Variants in NUP210L observed in about 807,000 individuals in gnomAD.
The protein encoded by NUP210L is nuclear pore membrane glycoprotein 210-like.
NUP210L carries 74 observed loss-of-function variants against 208.5 expected under a neutral mutation model. The observed-to-expected ratio is 0.35, with a 90% confidence interval of 0.29 to 0.43. NUP210L has a LOEUF of 0.43. NUP210L is among the 20% of genes least tolerant of loss of function. The probability of loss-of-function intolerance (pLI) is 1.00; values close to 1 mark genes in which losing one functional copy is unlikely to be tolerated. For synonymous variants in NUP210L, 780 were observed against 816.9 expected (o/e 0.95, Z 0.77); for missense variants, 1,843 against 2,289.4 (o/e 0.81, Z 3.98).
rs190587086 is a variant in NUP210L, at chr1:154,138,646, A to G, written c.718-408T>C. Among the ~76,000 whole-genome samples, 17 of 152,308 alleles carry G rather than the reference A, an allele frequency of 1.1e-4. No individual in the cohort carries two copies. In the East Asian group the frequency reaches 1.9e-3, roughly 17 times the overall value. On this transcript the variant is annotated intron_variant, in intron 5 of 39. Coordinates refer to ENST00000368559, the Ensembl canonical transcript of NUP210L. ...ATTGATTTTTATGAAGATTTACCCA[A>G]TGCAAGGTTGGTAGGCTTCTCTCTA...
intron 33 of NUP210L, among the ~76,000 whole-genome samples, chr1:154,018,003 A>G (rs1473202784): frequency 6.6e-6 from 1 of 150,762 alleles, no homozygotes; most frequent in East Asian, 2.0e-4. Flanking sequence ...AGCGACTCTC[A>G]CTCTGTTGCC....
chr1:154,135,731 T>C (rs1214347530), intron 7 of NUP210L, 83 bp downstream of exon 7: 24 of 1,310,142 alleles, frequency 1.8e-5, no homozygotes, highest in Non-Finnish European at 2.3e-5. Flanking sequence ...ATAATCATTC[T>C]TAATAAATTA....
At chr1:154,079,626 C>T (rs1182661064) in intron 16 of NUP210L, 1 of 151,268 alleles carries the variant, frequency 6.6e-6, no homozygotes, top group African/African-American at 2.4e-5. Context: ...ATGAGAAGCA[C>T]ATTATCTTTA....
intron 7 of NUP210L, among the ~76,000 whole-genome samples, chr1:154,131,247 G>A (rs1192581651): frequency 6.7e-6 from 1 of 150,036 alleles, no homozygotes; most frequent in Admixed American, 6.7e-5. Flanking sequence ...ACTCCAGCCC[G>A]GGCAACAGAG....
intron 32 of NUP210L, among the ~76,000 whole-genome samples, chr1:154,020,767 C>T (rs776734349): frequency 6.6e-5 from 10 of 151,306 alleles, no homozygotes; most frequent in Non-Finnish European, 1.0e-4. Context: ...CCTTGTGATC[C>T]GCCTGCTTCA....
intron 12 of NUP210L, among the ~76,000 whole-genome samples, chr1:154,116,544 C>T (rs1657345787): frequency 6.6e-6 from 1 of 151,844 alleles, no homozygotes; most frequent in Admixed American, 6.6e-5. Flanking sequence ...GCCTGGGCAA[C>T]ACAGTGAGAC....
At chr1:154,001,033 C>T in exon 37 of NUP210L, 1 of 1,614,060 alleles carries the variant, frequency 6.2e-7, no homozygotes, top group Non-Finnish European at 8.5e-7. Flanking sequence ...TGGCCAGCGA[C>T]CACTAGAACT....
rs576956926 is a variant in NUP210L, at chr1:154,012,732, G to A, written c.4654-362C>T. The stretch of plus-strand genomic sequence containing the variant: ...CAACAAAAGACGGGGTCAGCCGCGC[G>A]CGGTGGCTCACGTCTGTAATCCCAG... On this transcript the variant is annotated intron_variant, in intron 33 of 39. Transcript: ENST00000368559. Among the ~76,000 whole-genome samples the A allele has an allele frequency of 4.0e-5, 6 of 151,840 alleles. No individual in the cohort carries two copies. In the South Asian group the frequency reaches 6.3e-4, roughly 16 times the overall value.
At chr1:154,085,086 T>G (rs1474322633) in intron 16 of NUP210L, among the ~76,000 whole-genome samples, 38 of 139,262 alleles carry the variant, frequency 2.7e-4, no homozygotes, top group African/African-American at 8.6e-4. Context: ...AGTGGCTCAC[T>G]CCTGTAATCC....
exon 7 of NUP210L, chr1:154,135,847 G>C (rs762248224): frequency 2.5e-6 from 4 of 1,614,082 alleles, no homozygotes; most frequent in South Asian, 1.1e-5. Context: ...GTCTGGCCCA[G>C]TTGTGAGGCA....
intron 10 of NUP210L, among the ~76,000 whole-genome samples, chr1:154,125,322 T>A (rs534846883): frequency 1.3e-5 from 2 of 151,640 alleles, no homozygotes; most frequent in Non-Finnish European, 2.9e-5. Context: ...TGGTGGTGGA[T>A]GCCTATAACC....
chr1:154,053,726 T>C (rs1482006846), intron 25 of NUP210L, among the ~76,000 whole-genome samples: 2 of 152,218 alleles, frequency 1.3e-5, no homozygotes, highest in African/African-American at 4.8e-5. Context: ...CTATAATCTA[T>C]AGAAACAATG....
At chr1:154,010,643 G>A (rs929399781) in intron 34 of NUP210L, among the ~76,000 whole-genome samples, 1 of 152,090 alleles carries the variant, frequency 6.6e-6, no homozygotes, top group African/African-American at 2.4e-5. Context: ...GGCCGAGGCA[G>A]GCGGATCACC....
At chr1:154,066,463 T>C (rs1198584127) in intron 17 of NUP210L, among the ~76,000 whole-genome samples, 2 of 152,082 alleles carry the variant, frequency 1.3e-5, no homozygotes, top group Non-Finnish European at 2.9e-5. Flanking sequence ...TACAAAAAAT[T>C]AGCCGGGTGC....
intron 29 of NUP210L, 125 bp downstream of exon 29, chr1:154,027,381 A>T: frequency 1.6e-6 from 1 of 644,830 alleles, no homozygotes; most frequent in Non-Finnish European, 2.7e-6. Flanking sequence ...TGGGAATTTC[A>T]CCTCACACAA....
At chr1:154,003,566 A>G (rs1250164032) in intron 35 of NUP210L, among the ~76,000 whole-genome samples, 1 of 151,938 alleles carries the variant, frequency 6.6e-6, no homozygotes, top group Non-Finnish European at 1.5e-5. Flanking sequence ...GCAGTGGCAC[A>G]ATCACAACTC....
intron 16 of NUP210L, among the ~76,000 whole-genome samples, chr1:154,080,979 A>G (rs1329933638): frequency 6.6e-6 from 1 of 151,646 alleles, no homozygotes; most frequent in Non-Finnish European, 1.5e-5. Flanking sequence ...GCTTCCGAAA[A>G]AAAAAAAAAG....
chr1:154,127,245 T>C, intron 9 of NUP210L, 66 bp downstream of exon 9: 1 of 665,352 alleles, frequency 1.5e-6, no homozygotes, highest in Non-Finnish European at 2.5e-6. Flanking sequence ...AGGAAGATGG[T>C]CCACTTTACA....
At chr1:153,995,840 C>A in intron 37 of NUP210L, 1 of 606,058 alleles carries the variant, frequency 1.7e-6, no homozygotes, top group Admixed American at 1.9e-5. Context: ...TTGTCCAAAA[C>A]AACATGTCGG....
Sources: allele counts gnomAD v4.1 joint callset (sites outside exome capture counted in the v4.1 genomes callset), GRCh38; gene constraint gnomAD v4.1.1; transcripts MANE v1.5; gene names NCBI Gene and HGNC (gene_info 2026-07-23, HGNC 2026-07-21).